Variants in NUCB2 observed in about 807,000 individuals in gnomAD.
NUCB2 encodes nucleobindin 2, also known as nucleobindin-2.
Under a neutral mutation model 57.9 loss-of-function variants are expected in NUCB2, and 48 were observed. The ratio of observed to expected loss-of-function variants is 0.83; its 90% confidence interval spans 0.66 to 1.05. The LOEUF (loss-of-function observed/expected upper bound fraction) is 1.05. Ranked by LOEUF, NUCB2 falls within the 50% of genes least tolerant of loss-of-function variation. The pLI is 0.00. For synonymous variants in NUCB2, 139 were observed against 152.1 expected, an observed-to-expected ratio of 0.91 and a Z score of 0.64; for missense variants, 442 against 476.2, an observed-to-expected ratio of 0.93 and a Z score of 0.67.
chr11:17,335,924 G>A (rs34563660), downstream of NUCB2, among the ~76,000 whole-genome samples: 3 of 152,186 alleles, frequency 2.0e-5, no homozygotes, highest in Non-Finnish European at 4.4e-5. Flanking sequence ...AGCTGACTTA[G>A]TGAAATTTAT....
intron 4 of NUCB2, 57 bp from the exon 5 acceptor site, chr11:17,301,687 C>T: frequency 7.5e-7 from 1 of 1,341,838 alleles, no homozygotes; most frequent in South Asian, 1.2e-5. Flanking sequence ...TAAGCTGTTG[C>T]ATTTGTCTAA....
At chr11:17,344,067 C>G (rs1416054039) in intron 2 of NUCB2, among the ~76,000 whole-genome samples, 1 of 152,252 alleles carries the variant, frequency 6.6e-6, no homozygotes, top group Non-Finnish European at 1.5e-5. Context: ...GTTCTTGTAT[C>G]TCTGCAGGGG....
intron 11 of NUCB2, among the ~76,000 whole-genome samples, chr11:17,324,581 A>C (rs1950428301): frequency 6.6e-6 from 1 of 151,510 alleles, no homozygotes; most frequent in South Asian, 2.1e-4. Flanking sequence ...TTACAGGTGC[A>C]TGCCACCACG....
Position 17,330,326 on chromosome 11 carries a change from T to TA in NUCB2, c.1173+34dup, listed in dbSNP as rs34471145. ...GCATTTTGTCAAAAGATTATGGCAT[T>TA]AAAAAGATTTTAGGTGCTTTGTTAA... On this transcript the variant is annotated intron_variant, in intron 12 of 13. Coordinates refer to ENST00000529010, the MANE Select transcript of NUCB2 (RefSeq NM_005013.4). The surrounding 1 kb of genome is among the most constrained non-coding windows in gnomAD (Gnocchi z 4.3). 421,471 of 1,558,152 alleles carry TA rather than the reference T, an allele frequency of 0.27. 60,943 individuals carry two copies. Among genetic ancestry groups the TA allele is most frequent in the East Asian group, 0.49 (21,861 of 44,460 alleles).
Position 17,290,283 on chromosome 11 carries a change from A to G in NUCB2, c.1-5041A>G, listed in dbSNP as rs192408883. ...CTTAATGTTTATGAAGATATTTACA[A>G]TGACAAGCACCAACAATGCAAAAAC... On this transcript the variant is annotated intron_variant, in intron 2 of 13. Transcript: ENST00000529010. 2.1e-3 allele frequency among the ~76,000 whole-genome samples: 323 copies of G among 152,356 alleles called. 1 individual carries two copies. The highest frequency in any genetic ancestry group is 3.7e-3 in the African/African-American group (153 of 41,578).
downstream of NUCB2, among the ~76,000 whole-genome samples, chr11:17,334,673 G>T (rs1423888117): frequency 6.6e-6 from 1 of 152,182 alleles, no homozygotes; most frequent in Non-Finnish European, 1.5e-5. Context: ...ATCACCTGAG[G>T]TTAGGAGTTC....
At chr11:17,306,124 G>A (rs577227970) in intron 5 of NUCB2, among the ~76,000 whole-genome samples, 11 of 151,958 alleles carry the variant, frequency 7.2e-5, no homozygotes, top group African/African-American at 2.7e-4. Flanking sequence ...TTCTAATTAT[G>A]AGTCAAAATC....
intron 2 of NUCB2, among the ~76,000 whole-genome samples, chr11:17,343,063 T>C (rs377620569): frequency 0.046 from 6,949 of 152,070 alleles, 301 homozygotes; most frequent in Admixed American, 0.14. Context: ...TTTATCATTA[T>C]GTAATGGCCT....
intron 2 of NUCB2, among the ~76,000 whole-genome samples, chr11:17,294,796 T>C (rs1477034594): frequency 3.3e-5 from 5 of 152,112 alleles, no homozygotes; most frequent in Admixed American, 2.6e-4. Context: ...GCCTGTAATC[T>C]TTGCACTTTG....
chr11:17,321,628 G>T (rs1370101603), intron 11 of NUCB2, among the ~76,000 whole-genome samples: 2 of 152,120 alleles, frequency 1.3e-5, no homozygotes, highest in African/African-American at 4.8e-5. Context: ...CATTAAGATT[G>T]CTGGGTCATA....
At chr11:17,279,939 G>A (rs1446702754) in intron 1 of NUCB2, among the ~76,000 whole-genome samples, 1 of 151,944 alleles carries the variant, frequency 6.6e-6, no homozygotes, top group African/African-American at 2.4e-5. Context: ...AAAGGAGCAT[G>A]CCACCACACC....
At chr11:17,280,264 TATA>T (rs1218587713) in intron 1 of NUCB2, among the ~76,000 whole-genome samples, 1 of 150,136 alleles carries the variant, frequency 6.7e-6, no homozygotes, top group Non-Finnish European at 1.5e-5. Flanking sequence ...AAAAAGGAGA[TATA>T]ATAGTTTCAT....
At chr11:17,290,757 AT>A (rs1453165381) in intron 2 of NUCB2, among the ~76,000 whole-genome samples, 1 of 152,178 alleles carries the variant, frequency 6.6e-6, no homozygotes, top group Non-Finnish European at 1.5e-5. Flanking sequence ...GCAAACAAAA[AT>A]CATTGAGAAC....
At chr11:17,284,035 AT>A (rs1292450332) in intron 2 of NUCB2, among the ~76,000 whole-genome samples, 1 of 151,190 alleles carries the variant, frequency 6.6e-6, no homozygotes, top group African/African-American at 2.4e-5. Context: ...CCAGACTTTT[AT>A]TTTTTTTGTT....
At chr11:17,349,191 C>T (rs1323874000) in intron 2 of NUCB2, among the ~76,000 whole-genome samples, 1 of 152,192 alleles carries the variant, frequency 6.6e-6, no homozygotes, top group Non-Finnish European at 1.5e-5. Context: ...CAGAGACTTA[C>T]AAGACTGGTA....
intron 2 of NUCB2, among the ~76,000 whole-genome samples, chr11:17,288,819 T>A (rs1429702739): frequency 6.8e-6 from 1 of 146,334 alleles, no homozygotes; most frequent in Non-Finnish European, 1.5e-5. Flanking sequence ...CCTCCCAAAG[T>A]GTTGGGATTA....
At chr11:17,335,034 A>G (rs778805336), downstream of NUCB2, among the ~76,000 whole-genome samples, 34 of 152,216 alleles carry the variant, frequency 2.2e-4, no homozygotes, top group Non-Finnish European at 4.7e-4. Context: ...TCCCAAAATT[A>G]AATATAGCAG....
At chr11:17,279,324 G>T (rs1266786195) in intron 1 of NUCB2, among the ~76,000 whole-genome samples, 1 of 152,132 alleles carries the variant, frequency 6.6e-6, no homozygotes, top group African/African-American at 2.4e-5. Flanking sequence ...TACTTAGTTA[G>T]AATTTCATGG....
intron 2 of NUCB2, among the ~76,000 whole-genome samples, chr11:17,340,875 T>G (rs2139614032): frequency 6.6e-6 from 1 of 152,328 alleles, no homozygotes; most frequent in African/African-American, 2.4e-5. Context: ...ATTGGTAGCT[T>G]GATGGGGATG....
Sources: allele counts gnomAD v4.1 joint callset (sites outside exome capture counted in the v4.1 genomes callset), GRCh38; gene constraint gnomAD v4.1.1; non-coding constraint Gnocchi (gnomAD v3.1); transcripts MANE v1.5; gene names NCBI Gene and HGNC (gene_info 2026-07-23, HGNC 2026-07-21).